Variants in PPP3CB observed in about 807,000 individuals in gnomAD.
PPP3CB encodes protein phosphatase 3 catalytic subunit beta.
PPP3CB carries 8 observed loss-of-function variants against 66.4 expected under a neutral mutation model. The ratio of observed to expected loss-of-function variants is 0.12; its 90% confidence interval spans 0.07 to 0.22. The LOEUF is 0.22. PPP3CB is among the 10% of genes least tolerant of loss of function. The probability of loss-of-function intolerance (pLI) is 1.00; values close to 1 mark genes in which losing one functional copy is unlikely to be tolerated. For missense variants in PPP3CB, 319 were observed against 642.5 expected (o/e 0.50, Z 5.44); for synonymous variants, 208 against 221.2 (o/e 0.94, Z 0.53).
At chr10:73,459,995 G>C (rs1438782928) in intron 9 of PPP3CB, among the ~76,000 whole-genome samples, 2 of 152,012 alleles carry the variant, frequency 1.3e-5, no homozygotes, top group Non-Finnish European at 2.9e-5. Context: ...AAAAAATAAA[G>C]AAAAGTATGA....
Position 73,471,064 on chromosome 10 carries a change from CCTTA to C in PPP3CB, c.809+2_809+5del. 6.2e-7 allele frequency: 1 copy of C among 1,602,494 alleles called. No homozygotes were observed. Among genetic ancestry groups the C allele is most frequent in the Non-Finnish European group, 8.5e-7 (1 of 1,171,584 alleles). On this transcript the variant is annotated splice_donor_variant and splice_donor_5th_base_variant and intron_variant, in intron 6 of 13. Coordinates refer to ENST00000360663, the MANE Select transcript of PPP3CB (RefSeq NM_021132.4). LOFTEE classifies it high-confidence loss of function. ...AATGTGATTAATCTTGGATATTTTT[CCTTA>C]CTTATAAAAATAAGAACATCCTCGA... is the stretch of plus-strand genomic sequence containing the variant.
intron 12 of PPP3CB, among the ~76,000 whole-genome samples, chr10:73,443,336 A>AAGAAAGAAAAAG: frequency 7.2e-6 from 1 of 139,562 alleles, no homozygotes; most frequent in Admixed American, 7.3e-5. Flanking sequence ...AAGAAAAAGA[A>AAGAAAGAAAAAG]AGAGAAGAGA....
chr10:73,466,291 T>G (rs1345372859), intron 9 of PPP3CB, among the ~76,000 whole-genome samples: 3 of 152,216 alleles, frequency 2.0e-5, no homozygotes, highest in Admixed American at 2.0e-4. Flanking sequence ...ATATTTAGAT[T>G]AGATATAACG....
intron 9 of PPP3CB, among the ~76,000 whole-genome samples, chr10:73,462,079 C>T (rs1042199993): frequency 4.6e-5 from 7 of 151,422 alleles, no homozygotes; most frequent in Non-Finnish European, 7.4e-5. Context: ...CCCCAAAAGC[C>T]GAGGAGATGC....
At chr10:73,450,669 G>A (rs898846842) in intron 10 of PPP3CB, among the ~76,000 whole-genome samples, 1 of 152,316 alleles carries the variant, frequency 6.6e-6, no homozygotes, top group Middle Eastern at 3.4e-3. Flanking sequence ...GGAACTCAGT[G>A]TATTTTCCCA....
chr10:73,442,753 T>C (rs1453246108), intron 12 of PPP3CB, among the ~76,000 whole-genome samples: 4 of 151,860 alleles, frequency 2.6e-5, no homozygotes, highest in South Asian at 2.1e-4. Context: ...AGAAACCTCA[T>C]TCAGAATGAA....
At chr10:73,480,288 G>A (rs756505383) in intron 1 of PPP3CB, among the ~76,000 whole-genome samples, 4 of 151,828 alleles carry the variant, frequency 2.6e-5, no homozygotes, top group Admixed American at 6.6e-5. Context: ...GCATATATTC[G>A]AAACCAGTGC....
At position 73,495,988 on chromosome 10, in the gene PPP3CB, G is replaced by A. The variant is rs568163915; in HGVS notation, c.-99C>T. ...CGGCGGCGCCGCCGGGGAACATGGC[G>A]GACCCTCTTTCCCTACAGAGGGGCT... is the stretch of plus-strand genomic sequence containing the variant. On this transcript the variant is annotated 5_prime_UTR_variant, in exon 1 of 14. Transcript: ENST00000360663. 1.1e-5 allele frequency: 8 copies of A among 732,640 alleles called. No individual in the cohort carries two copies. The highest frequency in any genetic ancestry group is 9.4e-5 in the African/African-American group (5 of 53,144). 45.4% of individuals were successfully genotyped at this position (732,640 alleles called of 1,614,324 possible). A position where few individuals can be genotyped will look rare whatever the true frequency, so the allele number is the denominator to read the frequency against.
chr10:73,478,997 A>G (rs1276375978), intron 2 of PPP3CB, among the ~76,000 whole-genome samples: 1 of 152,246 alleles, frequency 6.6e-6, no homozygotes, highest in Non-Finnish European at 1.5e-5. Flanking sequence ...CACTTTTGGT[A>G]TCTGATATGA....
intron 4 of PPP3CB, among the ~76,000 whole-genome samples, chr10:73,474,334 C>A (rs1454554243): frequency 6.6e-6 from 1 of 151,746 alleles, no homozygotes; most frequent in Non-Finnish European, 1.5e-5. Flanking sequence ...AGCTACCGTG[C>A]CTGGCTTAGA....
intron 10 of PPP3CB, among the ~76,000 whole-genome samples, chr10:73,448,002 T>C (rs542468698): frequency 6.6e-6 from 1 of 152,256 alleles, no homozygotes; most frequent in South Asian, 2.1e-4. Flanking sequence ...CTCCTCATTT[T>C]ATAGACAAAG....
At position 73,438,169 on chromosome 10, in the gene PPP3CB, C is replaced by T; in HGVS notation, c.*73G>A. 2 of 1,439,922 alleles carry T rather than the reference C, an allele frequency of 1.4e-6. No homozygotes were observed. Among genetic ancestry groups the T allele is most frequent in the Non-Finnish European group, 1.9e-6 (2 of 1,053,052 alleles). 89.2% of individuals were successfully genotyped at this position (1,439,922 alleles called of 1,614,324 possible). A position where few individuals can be genotyped will look rare whatever the true frequency, so the allele number is the denominator to read the frequency against. The stretch of plus-strand genomic sequence containing the variant: ...ACTGTGAAATTTACAGTCAGCTTGG[C>T]CGACCCCTCCAGCTCCTCGGGTGAT... On this transcript the variant is annotated 3_prime_UTR_variant, in exon 14 of 14. Coordinates refer to ENST00000360663, the MANE Select transcript of PPP3CB (RefSeq NM_021132.4).
intron 12 of PPP3CB, among the ~76,000 whole-genome samples, chr10:73,440,114 C>T (rs1363125225): frequency 6.6e-6 from 1 of 152,216 alleles, no homozygotes; most frequent in African/African-American, 2.4e-5. Flanking sequence ...ACTATGACAA[C>T]ATCACTCAGA....
chr10:73,463,626 A>C (rs1000257955), intron 9 of PPP3CB, among the ~76,000 whole-genome samples: 17 of 152,164 alleles, frequency 1.1e-4, no homozygotes, highest in Non-Finnish European at 1.5e-5. Flanking sequence ...AAGCTACTTT[A>C]ATCCCTCTGA....
intron 9 of PPP3CB, chr10:73,467,258 C>G (rs967594096): frequency 1.2e-5 from 2 of 170,672 alleles, no homozygotes; most frequent in Admixed American, 6.3e-5. Context: ...AATCTCTCCA[C>G]CCCTTCATAA....
At chr10:73,448,643 G>A in intron 10 of PPP3CB, 1 of 533,240 alleles carries the variant, frequency 1.9e-6, no homozygotes, top group Non-Finnish European at 3.8e-6. Context: ...TCAAAACAAT[G>A]TTACTCTGTC....
chr10:73,471,276 A>G (rs547440586), intron 5 of PPP3CB, 67 bp from the exon 6 acceptor site: 15 of 1,470,178 alleles, frequency 1.0e-5, no homozygotes, highest in Middle Eastern at 1.9e-4. Context: ...TGTGCATAGG[A>G]AAACGATACC....
chr10:73,475,630 T>C (rs756142960), intron 3 of PPP3CB, among the ~76,000 whole-genome samples: 7 of 152,228 alleles, frequency 4.6e-5, no homozygotes, highest in African/African-American at 1.7e-4. Flanking sequence ...GTTTGTTTCA[T>C]TGATTATGAA....
intron 9 of PPP3CB, among the ~76,000 whole-genome samples, chr10:73,455,397 T>G (rs190672886): frequency 1.3e-5 from 2 of 152,342 alleles, no homozygotes; most frequent in Admixed American, 1.3e-4. Context: ...ACTTTGGATA[T>G]CCTCAAGATT....
Sources: allele counts gnomAD v4.1 joint callset (sites outside exome capture counted in the v4.1 genomes callset), GRCh38; gene constraint gnomAD v4.1.1; transcripts MANE v1.5; gene names NCBI Gene and HGNC (gene_info 2026-07-23, HGNC 2026-07-21).